The following SFMBT2 variants were observed in gnomAD, a reference collection of about 807,000 sequenced individuals.
The protein encoded by SFMBT2 is Scm like with four mbt domains 2, also known as scm-like with four MBT domains protein 2.
A neutral mutation model predicts 110.1 loss-of-function variants in SFMBT2; 38 were observed. That is an observed-to-expected ratio of 0.35 (90% confidence interval 0.27 to 0.45). The LOEUF is 0.45. Ranked by LOEUF, SFMBT2 falls within the 20% of genes least tolerant of loss-of-function variation. SFMBT2 has a pLI of 1.00. For synonymous variants in SFMBT2, 425 were observed against 425.4 expected (o/e 1.00, Z 0.01); for missense variants, 1,011 against 1,094.9 (o/e 0.92, Z 1.08).
At chr10:7,209,513 T>A (rs1220035879) in intron 11 of SFMBT2, among the ~76,000 whole-genome samples, 1 of 152,224 alleles carries the variant, frequency 6.6e-6, no homozygotes, top group African/African-American at 2.4e-5. Context: ...TCTGGGTATA[T>A]CCATATGAAG....
chr10:7,191,406 CG>C (rs1838598616), intron 15 of SFMBT2, among the ~76,000 whole-genome samples: 1 of 152,216 alleles, frequency 6.6e-6, no homozygotes, highest in South Asian at 2.1e-4. Flanking sequence ...TTCCACCTCA[CG>C]CTCTGAGAGC....
At chr10:7,182,449 T>G (rs1370684873) in intron 16 of SFMBT2, among the ~76,000 whole-genome samples, 1 of 152,118 alleles carries the variant, frequency 6.6e-6, no homozygotes, top group Admixed American at 6.5e-5. Flanking sequence ...GTAGGGAGGA[T>G]GTGTGAAAAG....
At chr10:7,207,020 G>A (rs761695673) in intron 11 of SFMBT2, 6 of 593,702 alleles carry the variant, frequency 1.0e-5, no homozygotes, top group African/African-American at 4.0e-5. Flanking sequence ...GAGCCTAGGA[G>A]TTCAAGATCA....
chr10:7,200,616 T>A, intron 13 of SFMBT2, 132 bp from the exon 14 acceptor site: 4 of 636,030 alleles, frequency 6.3e-6, no homozygotes, highest in Non-Finnish European at 9.9e-6. Context: ...ATAGAATGTG[T>A]GTATGGGAGC....
intron 10 of SFMBT2, among the ~76,000 whole-genome samples, chr10:7,222,780 C>G (rs1839784871): frequency 6.6e-6 from 1 of 152,076 alleles, no homozygotes; most frequent in African/African-American, 2.4e-5. Flanking sequence ...AGCGATTCTC[C>G]TGCCTCAGCA....
At chr10:7,242,934 C>G (rs1840480942) in intron 9 of SFMBT2, among the ~76,000 whole-genome samples, 1 of 152,186 alleles carries the variant, frequency 6.6e-6, no homozygotes, top group African/African-American at 2.4e-5. Flanking sequence ...CTTTATTATT[C>G]TTCTCTTAGT....
At chr10:7,187,970 T>C (rs564651883) in intron 16 of SFMBT2, among the ~76,000 whole-genome samples, 1 of 152,326 alleles carries the variant, frequency 6.6e-6, no homozygotes, top group Admixed American at 6.5e-5. Context: ...CATAAAATTA[T>C]CTTAGAAACG....
chr10:7,294,710 T>C (rs1193619109), intron 4 of SFMBT2, among the ~76,000 whole-genome samples: 7 of 152,236 alleles, frequency 4.6e-5, no homozygotes, highest in Non-Finnish European at 1.0e-4. Flanking sequence ...AAGGACTTCC[T>C]AGTTATTGGC....
At chr10:7,249,128 C>A in intron 7 of SFMBT2, 1 of 947,452 alleles carries the variant, frequency 1.1e-6, no homozygotes. Context: ...AGCTGGCACA[C>A]AGCTCACCGG....
chr10:7,322,074 T>C (rs1284731625), intron 4 of SFMBT2, among the ~76,000 whole-genome samples: 2 of 152,172 alleles, frequency 1.3e-5, no homozygotes, highest in Admixed American at 1.3e-4. Flanking sequence ...CCCACTCAAA[T>C]CTCACCTTGA....
chr10:7,288,858 C>T (rs1427074216), intron 4 of SFMBT2, among the ~76,000 whole-genome samples: 1 of 149,712 alleles, frequency 6.7e-6, no homozygotes, highest in African/African-American at 2.5e-5. Flanking sequence ...GTGAAACCCC[C>T]CCCCCCATCT....
At chr10:7,197,303 TC>T (rs1422321643) in intron 15 of SFMBT2, among the ~76,000 whole-genome samples, 1 of 151,942 alleles carries the variant, frequency 6.6e-6, no homozygotes, top group Non-Finnish European at 1.5e-5. Context: ...GTGCAACTTT[TC>T]CCCCTAATTC....
In SFMBT2 at chr10:7,171,906, C is replaced by T. The variant is rs760174479; in HGVS notation, c.2404G>A (p.Glu802Lys). 38 of 1,434,638 alleles carry T rather than the reference C, an allele frequency of 2.6e-5. No individual in the cohort carries two copies. Among genetic ancestry groups the T allele is most frequent in the Admixed American group, 5.6e-5 (2 of 35,524 alleles). The allele number at this position is 1,434,638 out of a possible 1,614,324, so 88.9% of individuals were successfully genotyped here. Residue 802 changes from glutamate to lysine, a missense_variant, in exon 19 of 21, where the codon GAG becomes AAG. Glu to Lys is a moderately conservative substitution (Grantham distance 56). Around this residue, in one of 2 missense-constraint regions of SFMBT2, gnomAD observed 979 missense variants for 1,016.1 expected, o/e 0.96. Transcript: ENST00000397167. The surrounding 1 kb of genome is among the most constrained non-coding windows in gnomAD (Gnocchi z 4.9). ...EGEKCPPTKPEGTEDTKQEEE... is the reference protein window; with the variant it reads ...EGEKCPPTKPKGTEDTKQEEE... The stretch of plus-strand genomic sequence containing the variant: ...CGCCCGGGCATCACCTCTGTCCCCT[C>T]GGGCTTGGTCGGCGGGCACTTCTCC...
chr10:7,251,937 T>C (rs1159510017), intron 7 of SFMBT2, among the ~76,000 whole-genome samples: 1 of 152,172 alleles, frequency 6.6e-6, no homozygotes, highest in Non-Finnish European at 1.5e-5. Flanking sequence ...TCTAGAGGCA[T>C]CCTGACAGCC....
chr10:7,197,193 C>T (rs1487896329), intron 15 of SFMBT2, among the ~76,000 whole-genome samples: 7 of 152,132 alleles, frequency 4.6e-5, no homozygotes, highest in Non-Finnish European at 1.0e-4. Context: ...TGTGCCATTC[C>T]AGGCTGGTTT....
At chr10:7,191,166 TC>T (rs923693685) in intron 15 of SFMBT2, among the ~76,000 whole-genome samples, 1 of 151,958 alleles carries the variant, frequency 6.6e-6, no homozygotes, top group Admixed American at 6.6e-5. Flanking sequence ...ACTAACACAT[TC>T]CCCCACCTCA....
intron 13 of SFMBT2, 74 bp downstream of exon 13, chr10:7,202,406 T>C (rs11592889): frequency 2.5e-6 from 4 of 1,588,024 alleles, no homozygotes; most frequent in South Asian, 1.1e-5. Flanking sequence ...AAAACAGCCA[T>C]GCTTCCCATC....
chr10:7,376,276 G>A (rs540019818), intron 2 of SFMBT2, among the ~76,000 whole-genome samples: 1 of 152,254 alleles, frequency 6.6e-6, no homozygotes, highest in South Asian at 2.1e-4. Flanking sequence ...GGAGGCCACA[G>A]ATCCTGAGCT....
intron 7 of SFMBT2, among the ~76,000 whole-genome samples, chr10:7,251,867 A>C (rs916783031): frequency 1.3e-5 from 2 of 152,026 alleles, no homozygotes; most frequent in African/African-American, 4.8e-5. Context: ...GTGCACGGGG[A>C]CAAGCATGGG....
Sources: allele counts gnomAD v4.1 joint callset (sites outside exome capture counted in the v4.1 genomes callset), GRCh38; gene constraint gnomAD v4.1.1; regional missense constraint gnomAD v4.1.1; non-coding constraint Gnocchi (gnomAD v3.1); transcripts MANE v1.5; gene names NCBI Gene and HGNC (gene_info 2026-07-23, HGNC 2026-07-21).